Variants in DPP10 observed in about 807,000 individuals in gnomAD.
The protein encoded by DPP10 is dipeptidyl peptidase like 10.
DPP10 carries 33 observed loss-of-function variants against 120.9 expected under a neutral mutation model. That is an observed-to-expected ratio of 0.27 (90% CI 0.21 to 0.37). The LOEUF (loss-of-function observed/expected upper bound fraction) is 0.37, where lower values mean the gene tolerates loss of function less well. Ranked by LOEUF, DPP10 falls within the 10% of genes least tolerant of loss-of-function variation. The probability of loss-of-function intolerance (pLI) is 1.00; values close to 1 mark genes in which losing one functional copy is unlikely to be tolerated. For missense variants in DPP10, 816 were observed against 942.8 expected, an observed-to-expected ratio of 0.87 and a Z score of 1.76; for synonymous variants, 337 against 326.1, an observed-to-expected ratio of 1.03 and a Z score of -0.36.
intron 1 of DPP10, among the ~76,000 whole-genome samples, chr2:114,506,250 T>G (rs1438982035): frequency 3.3e-5 from 5 of 152,164 alleles, no homozygotes; most frequent in African/African-American, 1.2e-4. Flanking sequence ...TGTGGAAGAC[T>G]ATGGTTAGAT....
chr2:114,865,694 T>G lies in DPP10; in HGVS notation c.60+422856T>G, dbSNP rs547713031. ...GAGGGAACAGGAAGGAAGATTAACT[T>G]TCTGCTACACTTATTTCTGCTTCAT... On this transcript the variant is annotated intron_variant, in intron 1 of 25. Transcript: ENST00000410059. 3.3e-5 allele frequency among the ~76,000 whole-genome samples: 5 copies of G among 152,280 alleles called. No individual in the cohort carries two copies. In the East Asian group the frequency reaches 7.7e-4, roughly 24 times the overall value.
At chr2:114,500,614 C>T (rs751115907) in intron 1 of DPP10, among the ~76,000 whole-genome samples, 27 of 152,082 alleles carry the variant, frequency 1.8e-4, no homozygotes, top group Non-Finnish European at 3.8e-4. Context: ...CTTCAGATGA[C>T]AGGGGCCTTA....
chr2:115,534,643 A>G (rs371179229), intron 5 of DPP10, among the ~76,000 whole-genome samples: 28 of 151,742 alleles, frequency 1.8e-4, no homozygotes, highest in Middle Eastern at 3.4e-3. Flanking sequence ...GGATGGCTGG[A>G]TCAAATGGTA....
At chr2:115,608,869 T>C (rs2083888690) in intron 5 of DPP10, among the ~76,000 whole-genome samples, 1 of 152,052 alleles carries the variant, frequency 6.6e-6, no homozygotes, top group Admixed American at 6.6e-5. Context: ...ATAAATTATG[T>C]TAGACAAAGT....
intron 1 of DPP10, among the ~76,000 whole-genome samples, chr2:114,742,054 G>T (rs1457313490): frequency 1.3e-5 from 2 of 152,058 alleles, no homozygotes; most frequent in Non-Finnish European, 2.9e-5. Context: ...CATAAGTGCA[G>T]ATGTACAAAA....
At chr2:115,186,834 G>A (rs2054475056) in intron 1 of DPP10, among the ~76,000 whole-genome samples, 2 of 151,946 alleles carry the variant, frequency 1.3e-5, no homozygotes, top group African/African-American at 4.8e-5. Flanking sequence ...TTTTAAGTAG[G>A]TAACTGGCAT....
intron 1 of DPP10, among the ~76,000 whole-genome samples, chr2:114,528,386 TGAACAC>T (rs1157202399): frequency 6.6e-6 from 1 of 152,092 alleles, no homozygotes; most frequent in African/African-American, 2.4e-5. Flanking sequence ...TTTGTGAGAG[TGAACAC>T]TGTTACTGCA....
chr2:114,897,387 A>C (rs1367456679), intron 1 of DPP10, among the ~76,000 whole-genome samples: 2 of 152,198 alleles, frequency 1.3e-5, no homozygotes, highest in African/African-American at 4.8e-5. Context: ...CTAAAACCAT[A>C]AAAACCCTAG....
chr2:115,416,079 G>T (rs1043061557), intron 3 of DPP10, among the ~76,000 whole-genome samples: 1 of 151,804 alleles, frequency 6.6e-6, no homozygotes, highest in East Asian at 1.9e-4. Flanking sequence ...GAATACTGAG[G>T]TAATTAGACT....
chr2:115,226,446 C>CT (rs922675384), intron 1 of DPP10, among the ~76,000 whole-genome samples: 12 of 152,136 alleles, frequency 7.9e-5, no homozygotes, highest in African/African-American at 2.9e-4. Context: ...CATAATGTGG[C>CT]TTTATTCCAT....
At chr2:115,286,562 G>A (rs2060412564) in intron 1 of DPP10, among the ~76,000 whole-genome samples, 1 of 103,474 alleles carries the variant, frequency 9.7e-6, no homozygotes, top group African/African-American at 3.5e-5. Context: ...AGAAGGCTGA[G>A]AATCAAACCA....
chr2:114,942,972 C>T (rs1243861968), intron 1 of DPP10, among the ~76,000 whole-genome samples: 2 of 152,186 alleles, frequency 1.3e-5, no homozygotes, highest in East Asian at 1.9e-4. Context: ...CATAGGTATA[C>T]GTGTGCCATG....
chr2:114,936,562 A>C (rs926817713), intron 1 of DPP10, among the ~76,000 whole-genome samples: 5 of 152,176 alleles, frequency 3.3e-5, no homozygotes, highest in Admixed American at 1.3e-4. Context: ...TGCATGTGCA[A>C]GTATCTTTTT....
chr2:114,458,421 T>A (rs1012766487), intron 1 of DPP10, among the ~76,000 whole-genome samples: 1 of 152,200 alleles, frequency 6.6e-6, no homozygotes, highest in African/African-American at 2.4e-5. Context: ...GAGACTGATT[T>A]TTTTTTAAAT....
At chr2:114,880,827 C>T (rs562662051) in intron 1 of DPP10, among the ~76,000 whole-genome samples, 23 of 152,196 alleles carry the variant, frequency 1.5e-4, no homozygotes, top group African/African-American at 4.6e-4. Context: ...AATTTCAAAA[C>T]CCAGTGCGAT....
chr2:114,777,766 C>T (rs1241798283), intron 1 of DPP10, among the ~76,000 whole-genome samples: 2 of 152,058 alleles, frequency 1.3e-5, no homozygotes, highest in Non-Finnish European at 2.9e-5. Context: ...TATGTCCTGG[C>T]TATATGGTAA....
Position 115,343,910 on chromosome 2 carries a change from A to G in DPP10, c.269A>G (p.Asn90Ser). 2.5e-6 allele frequency: 4 copies of G among 1,608,864 alleles called. No individual in the cohort carries two copies. Among genetic ancestry groups the G allele is most frequent in the African/African-American group, 1.3e-5 (1 of 74,792 alleles). The change falls in exon 3 of 26, where the codon AAT (asparagine) becomes AGT (serine). Residue 90 changes from asparagine (N) to serine (S), a missense_variant and splice_region_variant. Around this residue, in one of 3 missense-constraint regions of DPP10, gnomAD observed 182 missense variants for 207.4 expected, o/e 0.88. Coordinates refer to ENST00000410059, the MANE Select transcript of DPP10 (RefSeq NM_020868.6). ...VLHDPEARWI[N>S]DTDVVYKSEN... Reference sequence around the variant, plus strand: ...CACGATCCAGAGGCTCGGTGGATCAATGGTAAGTGTATACCTTTTTAAACA... The same window carrying G: ...CACGATCCAGAGGCTCGGTGGATCAGTGGTAAGTGTATACCTTTTTAAACA...
intron 1 of DPP10, among the ~76,000 whole-genome samples, chr2:115,210,274 G>A (rs562331531): frequency 1.3e-5 from 2 of 152,072 alleles, no homozygotes; most frequent in African/African-American, 4.8e-5. Flanking sequence ...TGTGGTGTTT[G>A]GTTTTCTGTC....
chr2:115,032,921 A>G (rs1703947325), intron 1 of DPP10, among the ~76,000 whole-genome samples: 2 of 151,674 alleles, frequency 1.3e-5, no homozygotes, highest in African/African-American at 2.4e-5. Flanking sequence ...GAAGAAGAAT[A>G]TAGGTTCATT....
Sources: allele counts gnomAD v4.1 joint callset (sites outside exome capture counted in the v4.1 genomes callset), GRCh38; gene constraint gnomAD v4.1.1; regional missense constraint gnomAD v4.1.1; transcripts MANE v1.5; gene names NCBI Gene and HGNC (gene_info 2026-07-23, HGNC 2026-07-21).